SERGEF: variants seen among roughly 807,000 people sequenced by gnomAD.
SERGEF encodes secretion-regulating guanine nucleotide exchange factor.
Under a neutral mutation model 50.0 loss-of-function variants are expected in SERGEF, and 51 were observed. The ratio of observed to expected loss-of-function variants is 1.02; its 90% confidence interval spans 0.81 to 1.29. The LOEUF is 1.29. Ranked by LOEUF, SERGEF falls within the 50% of genes most tolerant of loss-of-function variation. SERGEF has a pLI of 0.00. For missense variants in SERGEF, 521 were observed against 557.0 expected (o/e 0.94, Z 0.65); for synonymous variants, 205 against 212.4 (o/e 0.97, Z 0.30).
At chr11:17,891,981 T>C (rs1851539076) in intron 9 of SERGEF, among the ~76,000 whole-genome samples, 5 of 152,222 alleles carry the variant, frequency 3.3e-5, no homozygotes, top group Admixed American at 2.0e-4. Context: ...AATAAGTATT[T>C]GCATATAGAT....
At chr11:17,934,013 T>C (rs1361007196) in intron 9 of SERGEF, among the ~76,000 whole-genome samples, 1 of 152,160 alleles carries the variant, frequency 6.6e-6, no homozygotes, top group East Asian at 1.9e-4. Flanking sequence ...CATACTTCTC[T>C]GCAGCGTTCA....
intron 10 of SERGEF, among the ~76,000 whole-genome samples, chr11:17,858,578 G>A: frequency 6.6e-6 from 1 of 152,072 alleles, no homozygotes; most frequent in Non-Finnish European, 1.5e-5. Flanking sequence ...TCCTCCCCAT[G>A]CCCACAGAGT....
chr11:17,996,758 G>A (rs926412746), intron 5 of SERGEF, among the ~76,000 whole-genome samples: 1 of 151,962 alleles, frequency 6.6e-6, no homozygotes, highest in Non-Finnish European at 1.5e-5. Flanking sequence ...CACAATGTGA[G>A]CAAAGCACAG....
chr11:17,862,701 C>A (rs924391681), intron 10 of SERGEF, among the ~76,000 whole-genome samples: 1 of 152,114 alleles, frequency 6.6e-6, no homozygotes, highest in South Asian at 2.1e-4. Flanking sequence ...CCTGTGGATG[C>A]GGAGAGGCAA....
chr11:17,974,958 A>G (rs756832078), intron 8 of SERGEF, among the ~76,000 whole-genome samples: 11 of 152,226 alleles, frequency 7.2e-5, no homozygotes, highest in Non-Finnish European at 1.3e-4. Flanking sequence ...TGCGCAGAAG[A>G]GAAACTAATG....
chr11:17,790,993 T>G (rs12793095), intron 10 of SERGEF, among the ~76,000 whole-genome samples: 8,614 of 152,314 alleles, frequency 0.057, 273 homozygotes, highest in South Asian at 0.12. Context: ...CTTTGTGTAT[T>G]ATTTTGTTTC....
chr11:17,833,266 G>C (rs921334759), intron 10 of SERGEF, among the ~76,000 whole-genome samples: 5 of 152,238 alleles, frequency 3.3e-5, no homozygotes, highest in Non-Finnish European at 1.5e-5. Flanking sequence ...TGGCTTCAGA[G>C]GGTGCGAACC....
rs528168731 is a variant in SERGEF at position 17,968,319 on chromosome 11, G to T, written c.845-8683C>A. Among the ~76,000 whole-genome samples, 135 of 152,308 alleles carry T rather than the reference G, an allele frequency of 8.9e-4. 1 individual carries two copies. Among genetic ancestry groups the T allele is most frequent in the South Asian group, 6.8e-3 (33 of 4,820 alleles). ...CCAAGTCACACAGCCTATATAGATA[G>T]AAACAGATCCAGGCATTCACAATAT... On this transcript the variant is annotated intron_variant, in intron 8 of 10. Transcript: ENST00000265965.
At chr11:17,826,819 T>C (rs1384178924) in intron 10 of SERGEF, among the ~76,000 whole-genome samples, 3 of 152,202 alleles carry the variant, frequency 2.0e-5, no homozygotes, top group Admixed American at 6.5e-5. Context: ...AGGAAAAAGT[T>C]TGAAAGCTCT....
intron 2 of SERGEF, 42 bp downstream of exon 2, chr11:18,007,899 A>G (rs767045292): frequency 7.0e-6 from 11 of 1,576,902 alleles, no homozygotes; most frequent in South Asian, 4.6e-5. Flanking sequence ...GAAAACGTCT[A>G]AATAAGAAAA....
chr11:17,913,664 G>C (rs1851995413), intron 9 of SERGEF, among the ~76,000 whole-genome samples: 1 of 152,184 alleles, frequency 6.6e-6, no homozygotes, highest in Non-Finnish European at 1.5e-5. Flanking sequence ...GTCATGCACA[G>C]GAAAAAGCTA....
At chr11:18,011,504 G>A (rs1854194820) in intron 1 of SERGEF, among the ~76,000 whole-genome samples, 1 of 152,164 alleles carries the variant, frequency 6.6e-6, no homozygotes, top group African/African-American at 2.4e-5. Flanking sequence ...TGGCCTTCTA[G>A]CCTCTGGAAC....
chr11:17,949,279 C>G (rs1852727214), intron 9 of SERGEF, among the ~76,000 whole-genome samples: 2 of 152,064 alleles, frequency 1.3e-5, no homozygotes, highest in Admixed American at 1.3e-4. Flanking sequence ...AGATGGGGAA[C>G]TACAGGGCTC....
At chr11:18,012,540 C>A in intron 1 of SERGEF, 1 of 1,137,294 alleles carries the variant, frequency 8.8e-7, no homozygotes, top group Non-Finnish European at 1.1e-6. Context: ...ACAGGGTCTC[C>A]CTCCTCCAGG....
At chr11:18,001,880 T>C (rs1853969325) in intron 4 of SERGEF, 2 of 415,010 alleles carry the variant, frequency 4.8e-6, no homozygotes, top group Non-Finnish European at 9.5e-6. Flanking sequence ...CATTTGTTTA[T>C]TTACAGGTCC....
chr11:17,809,228 T>A (rs922382201), intron 10 of SERGEF, among the ~76,000 whole-genome samples: 1 of 151,872 alleles, frequency 6.6e-6, no homozygotes, highest in Non-Finnish European at 1.5e-5. Flanking sequence ...AAGGAGGGGA[T>A]TGCAAAGATA....
intron 10 of SERGEF, among the ~76,000 whole-genome samples, chr11:17,810,587 C>T (rs566153164): frequency 1.3e-5 from 2 of 152,290 alleles, no homozygotes; most frequent in Admixed American, 6.5e-5. Flanking sequence ...CCATAGCATT[C>T]CCTTGATGAG....
chr11:17,937,634 A>G (rs1410547271), intron 9 of SERGEF, among the ~76,000 whole-genome samples: 1 of 152,188 alleles, frequency 6.6e-6, no homozygotes, highest in Non-Finnish European at 1.5e-5. Flanking sequence ...GTGTTCCACA[A>G]TTCTACAATA....
chr11:17,816,641 C>T (rs1014214214), intron 10 of SERGEF, among the ~76,000 whole-genome samples: 4 of 152,186 alleles, frequency 2.6e-5, no homozygotes, highest in African/African-American at 4.8e-5. Context: ...TGCAGTCTGA[C>T]ACCACTTGCT....
Sources: allele counts gnomAD v4.1 joint callset (sites outside exome capture counted in the v4.1 genomes callset), GRCh38; gene constraint gnomAD v4.1.1; transcripts MANE v1.5; gene names NCBI Gene and HGNC (gene_info 2026-07-23, HGNC 2026-07-21).